Variants in ERICH6B observed in about 807,000 individuals in gnomAD.
ERICH6B encodes glutamate rich 6B.
ERICH6B carries 69 observed loss-of-function variants against 80.0 expected under a neutral mutation model. That is an observed-to-expected ratio of 0.86 (90% CI 0.71 to 1.05). The LOEUF (loss-of-function observed/expected upper bound fraction) is 1.05, where lower values mean the gene tolerates loss of function less well. Among genes scored for constraint, ERICH6B ranks in the 50% least tolerant of loss-of-function variants. The pLI is 0.00. For synonymous variants in ERICH6B, 283 were observed against 291.9 expected, an observed-to-expected ratio of 0.97 and a Z score of 0.31; for missense variants, 754 against 796.1, an observed-to-expected ratio of 0.95 and a Z score of 0.64.
intron 2 of ERICH6B, among the ~76,000 whole-genome samples, chr13:45,600,386 G>A (rs1437240555): frequency 1.3e-5 from 2 of 151,936 alleles, no homozygotes; most frequent in Non-Finnish European, 2.9e-5. Flanking sequence ...AAAAATTTAT[G>A]GGGTACCAGT....
chr13:45,609,779 C>G (rs1172632274), intron 1 of ERICH6B, among the ~76,000 whole-genome samples: 1 of 152,344 alleles, frequency 6.6e-6, no homozygotes, highest in East Asian at 1.9e-4. Flanking sequence ...TCATACATCA[C>G]TTAATGATGG....
chr13:45,591,979 A>G (rs969314680), intron 3 of ERICH6B, among the ~76,000 whole-genome samples: 10 of 152,198 alleles, frequency 6.6e-5, no homozygotes, highest in African/African-American at 2.2e-4. Flanking sequence ...GCAGAAACAA[A>G]GCATGAAAGG....
intron 2 of ERICH6B, among the ~76,000 whole-genome samples, chr13:45,606,505 G>GTGTGTATA (rs1374963790): frequency 1.7e-4 from 5 of 28,708 alleles, no homozygotes; most frequent in African/African-American, 2.0e-4. Flanking sequence ...AAGTGTATGT[G>GTGTGTATA]TATATATATA....
rs141687052 is a variant in ERICH6B, at chr13:45,544,364, C to T, written c.1872+396G>A. 5.3e-3 allele frequency among the ~76,000 whole-genome samples: 807 copies of T among 152,262 alleles called. 5 individuals are homozygous for T. Among genetic ancestry groups the T allele is most frequent in the African/African-American group, 0.019 (770 of 41,540 alleles). On this transcript the variant is annotated intron_variant, in intron 14 of 14. Coordinates refer to ENST00000298738, the MANE Select transcript of ERICH6B (RefSeq NM_182542.3). ...TGCTGGGATTACAGGCATAAGCCAC[C>T]GCAACTGGCCTACACCCAGTTAATT...
intron 10 of ERICH6B, among the ~76,000 whole-genome samples, chr13:45,562,805 C>T (rs772657626): frequency 5.3e-5 from 8 of 152,128 alleles, no homozygotes; most frequent in Non-Finnish European, 8.8e-5. Flanking sequence ...AGAGGTGACA[C>T]AGGATTCAGG....
intron 2 of ERICH6B, among the ~76,000 whole-genome samples, chr13:45,603,606 C>T (rs1949839396): frequency 6.6e-6 from 1 of 152,294 alleles, no homozygotes; most frequent in South Asian, 2.1e-4. Flanking sequence ...GGCCTTTACT[C>T]TCCCTGTGCC....
In ERICH6B at chr13:45,563,669, C is replaced by A. The variant is rs766530798; in HGVS notation, c.1249+58G>T. 6 of 1,420,836 alleles carry A rather than the reference C, an allele frequency of 4.2e-6. No homozygotes were observed. In the African/African-American group the frequency reaches 7.2e-5, roughly 17 times the overall value. 88.0% of individuals were successfully genotyped at this position (1,420,836 alleles called of 1,614,324 possible). A position where few individuals can be genotyped will look rare whatever the true frequency, so the allele number is the denominator to read the frequency against. On this transcript the variant is annotated intron_variant, in intron 10 of 14. Transcript: ENST00000298738. ...TACAGTACATGCAGAAGGGGAGAGG[C>A]GGTGGGATGCAGACAGGAGAGCCAG...
At chr13:45,562,255 C>T (rs1466408780) in intron 10 of ERICH6B, among the ~76,000 whole-genome samples, 2 of 152,218 alleles carry the variant, frequency 1.3e-5, no homozygotes, top group Non-Finnish European at 2.9e-5. Flanking sequence ...CCAGGCTTGT[C>T]TCAAACTCCT....
intron 10 of ERICH6B, among the ~76,000 whole-genome samples, chr13:45,562,433 T>G (rs1398394495): frequency 2.0e-5 from 3 of 152,266 alleles, no homozygotes; most frequent in Non-Finnish European, 4.4e-5. Flanking sequence ...CAATTGAATT[T>G]TGGAACTAAA....
At chr13:45,580,848 T>C (rs940246759) in intron 5 of ERICH6B, among the ~76,000 whole-genome samples, 183 bp from the exon 6 acceptor site, 3 of 152,148 alleles carry the variant, frequency 2.0e-5, no homozygotes, top group African/African-American at 7.2e-5. Context: ...CCCACCCTCT[T>C]TGGCTTTGGT....
intron 2 of ERICH6B, among the ~76,000 whole-genome samples, chr13:45,603,822 TG>T (rs1212138978): frequency 6.6e-6 from 1 of 152,250 alleles, no homozygotes; most frequent in Non-Finnish European, 1.5e-5. Flanking sequence ...TCATTTGTGG[TG>T]TGTGCTGTCT....
At chr13:45,590,261 C>G (rs1186048370) in intron 4 of ERICH6B, among the ~76,000 whole-genome samples, 2 of 151,790 alleles carry the variant, frequency 1.3e-5, no homozygotes, top group African/African-American at 2.4e-5. Flanking sequence ...GAATTCAGGC[C>G]TTGGAAATAT....
intron 1 of ERICH6B, among the ~76,000 whole-genome samples, chr13:45,615,316 C>A (rs1268170643): frequency 6.6e-6 from 1 of 152,196 alleles, no homozygotes; most frequent in East Asian, 1.9e-4. Context: ...GGTCTATATT[C>A]AGGCTGTCAA....
At chr13:45,577,964 G>A (rs911565720) in intron 7 of ERICH6B, among the ~76,000 whole-genome samples, 3 of 152,164 alleles carry the variant, frequency 2.0e-5, no homozygotes, top group African/African-American at 7.2e-5. Context: ...ATTGCCCTGA[G>A]GGGCAAATAT....
chr13:45,609,898 C>A (rs374393603), intron 1 of ERICH6B, among the ~76,000 whole-genome samples: 1 of 152,222 alleles, frequency 6.6e-6, no homozygotes, highest in Admixed American at 6.5e-5. Context: ...GAGATCTGAT[C>A]TGGCCAACCT....
At chr13:45,574,964 G>C (rs942893) in intron 7 of ERICH6B, 34 bp from the exon 8 acceptor site, 5 of 1,415,528 alleles carry the variant, frequency 3.5e-6, no homozygotes, top group Admixed American at 2.1e-5. Context: ...GAAAGGAAGG[G>C]CATGTGGAAA....
At chr13:45,572,737 T>C (rs1330462653) in intron 8 of ERICH6B, among the ~76,000 whole-genome samples, 1 of 152,092 alleles carries the variant, frequency 6.6e-6, no homozygotes, top group East Asian at 1.9e-4. Context: ...ATTAAGGTCT[T>C]TCATATATTA....
At chr13:45,606,677 C>T (rs1949868846) in intron 2 of ERICH6B, among the ~76,000 whole-genome samples, 1 of 149,856 alleles carries the variant, frequency 6.7e-6, no homozygotes, top group African/African-American at 2.5e-5. Context: ...CTTCAGCCTC[C>T]CAAGTAGCTG....
intron 2 of ERICH6B, among the ~76,000 whole-genome samples, chr13:45,603,923 C>T (rs993137900): frequency 1.3e-5 from 2 of 152,224 alleles, no homozygotes; most frequent in Admixed American, 6.5e-5. Context: ...CCCTGGCCAG[C>T]ACACAGCGGG....
Sources: allele counts gnomAD v4.1 joint callset (sites outside exome capture counted in the v4.1 genomes callset), GRCh38; gene constraint gnomAD v4.1.1; transcripts MANE v1.5; gene names NCBI Gene and HGNC (gene_info 2026-07-23, HGNC 2026-07-21).